Variants in ALK observed in about 807,000 individuals in gnomAD.
ALK encodes the protein ALK tyrosine kinase receptor.
In ALK, 74 loss-of-function variants were observed where a neutral mutation model predicts 163.1. The observed-to-expected ratio is 0.45, with a 90% CI of 0.38 to 0.55. ALK has a LOEUF of 0.55. Among genes scored for constraint, ALK ranks in the 20% least tolerant of loss-of-function variants. ALK has a pLI of 0.00. For synonymous variants in ALK, 960 were observed against 843.2 expected (o/e 1.14, Z -2.40); for missense variants, 2,063 against 2,105.3 (o/e 0.98, Z 0.39).
rs116061024 is a variant in ALK at position 29,424,237 on chromosome 2, G to C, written c.1155-40378C>G. Among the ~76,000 whole-genome samples the C allele has an allele frequency of 3.7e-3, 565 of 152,284 alleles. 4 individuals carry two copies. Among genetic ancestry groups the C allele is most frequent in the African/African-American group, 0.013 (542 of 41,548 alleles). ...CAAAAACAGACTCAGGTACAATCAT[G>C]ATATGAATGGCTTATCTAACCTGAC... On this transcript the variant is annotated intron_variant, in intron 4 of 28. Transcript: ENST00000389048.
At chr2:29,662,230 C>T (rs1677371063) in intron 3 of ALK, among the ~76,000 whole-genome samples, 1 of 152,092 alleles carries the variant, frequency 6.6e-6, no homozygotes, top group Non-Finnish European at 1.5e-5. Context: ...TCTTTTAATA[C>T]ATATGTAACT....
At chr2:29,677,405 G>T (rs1272386995) in intron 3 of ALK, among the ~76,000 whole-genome samples, 1 of 151,598 alleles carries the variant, frequency 6.6e-6, no homozygotes, top group East Asian at 1.9e-4. Context: ...TATGTTGTTT[G>T]TTAGGTATGG....
chr2:29,272,185 G>GGAGGGAGAGAGAGAGAGAGAGA (rs1553402255), intron 11 of ALK, among the ~76,000 whole-genome samples: 2,453 of 144,978 alleles, frequency 0.017, 40 homozygotes, highest in Non-Finnish European at 0.026. Context: ...GTCGGGTGAG[G>GGAGGGAGAGAGAGAGAGAGAGA]GAGAGAGAGA....
At chr2:29,844,816 G>A (rs999325362) in intron 1 of ALK, among the ~76,000 whole-genome samples, 2 of 151,760 alleles carry the variant, frequency 1.3e-5, no homozygotes, top group African/African-American at 4.8e-5. Context: ...TAGCAGCAGA[G>A]ATGAGCTGAG....
chr2:29,250,473 G>A (rs890155775), intron 12 of ALK, among the ~76,000 whole-genome samples: 4 of 152,134 alleles, frequency 2.6e-5, no homozygotes, highest in African/African-American at 9.7e-5. Flanking sequence ...CTCCAGACCT[G>A]CAGAACCAGA....
intron 3 of ALK, among the ~76,000 whole-genome samples, chr2:29,590,122 G>A (rs1315525668): frequency 6.6e-6 from 1 of 152,070 alleles, no homozygotes; most frequent in African/African-American, 2.4e-5. Flanking sequence ...TACATCTCCA[G>A]GGCCATGGGA....
At chr2:29,315,020 G>A (rs906198391) in intron 8 of ALK, among the ~76,000 whole-genome samples, 5 of 152,134 alleles carry the variant, frequency 3.3e-5, no homozygotes, top group African/African-American at 1.2e-4. Context: ...ATTTGAACTG[G>A]AGCTCAGAAA....
At chr2:29,472,027 G>T (rs1186293558) in intron 4 of ALK, among the ~76,000 whole-genome samples, 1 of 152,220 alleles carries the variant, frequency 6.6e-6, no homozygotes, top group Non-Finnish European at 1.5e-5. Flanking sequence ...ACAGGCGTGA[G>T]CCACTGCACC....
chr2:29,626,062 A>T (rs1408553717), intron 3 of ALK, among the ~76,000 whole-genome samples: 1 of 152,256 alleles, frequency 6.6e-6, no homozygotes, highest in Non-Finnish European at 1.5e-5. Flanking sequence ...GAAGCCACAC[A>T]GGGCTCTAAG....
chr2:29,903,610 T>C lies in ALK; in HGVS notation c.667+16383A>G, dbSNP rs547402144. ...TTGCCTCTGTTCACACAATTGGCTATAATGATTGGAACAGAAAACCATAAC... is the reference window on the plus strand; with the variant it reads ...TTGCCTCTGTTCACACAATTGGCTACAATGATTGGAACAGAAAACCATAAC... On this transcript the variant is annotated intron_variant, in intron 1 of 28. Transcript: ENST00000389048. 2.0e-5 allele frequency among the ~76,000 whole-genome samples: 3 copies of C among 152,296 alleles called. No homozygotes were observed. The South Asian group carries it at 6.2e-4, about 32-fold the overall frequency.
At chr2:29,729,054 C>T (rs1296748034) in intron 1 of ALK, among the ~76,000 whole-genome samples, 2 of 152,202 alleles carry the variant, frequency 1.3e-5, no homozygotes, top group African/African-American at 2.4e-5. Context: ...TGCCTTTTCT[C>T]GGATGCTCAG....
chr2:29,521,001 A>G (rs981622428), intron 4 of ALK, among the ~76,000 whole-genome samples: 2 of 152,218 alleles, frequency 1.3e-5, no homozygotes, highest in African/African-American at 4.8e-5. Flanking sequence ...CTAGGACTGC[A>G]AGGAACGTCC....
At chr2:29,439,349 TTGAC>T (rs1010932811) in intron 4 of ALK, among the ~76,000 whole-genome samples, 2 of 152,156 alleles carry the variant, frequency 1.3e-5, no homozygotes, top group Admixed American at 6.5e-5. Flanking sequence ...TAGCTCTTAC[TTGAC>T]TATTAAAACC....
At chr2:29,539,373 T>C (rs1383839265) in intron 3 of ALK, among the ~76,000 whole-genome samples, 1 of 152,170 alleles carries the variant, frequency 6.6e-6, no homozygotes, top group African/African-American at 2.4e-5. Context: ...TCTTGGTATA[T>C]GTTATCAGCA....
At chr2:29,286,183 A>T (rs967275823) in intron 9 of ALK, among the ~76,000 whole-genome samples, 3 of 152,034 alleles carry the variant, frequency 2.0e-5, no homozygotes, top group Non-Finnish European at 4.4e-5. Flanking sequence ...CCTGGTCATG[A>T]TCTGTTGGAA....
intron 4 of ALK, among the ~76,000 whole-genome samples, chr2:29,470,439 G>A (rs1671321787): frequency 6.6e-6 from 1 of 152,134 alleles, no homozygotes; most frequent in Non-Finnish European, 1.5e-5. Flanking sequence ...TCATAATAAA[G>A]CTGCTGAAAA....
At chr2:29,499,072 G>T (rs994267228) in intron 4 of ALK, among the ~76,000 whole-genome samples, 2 of 152,170 alleles carry the variant, frequency 1.3e-5, no homozygotes, top group Non-Finnish European at 2.9e-5. Flanking sequence ...GAGACCTGTG[G>T]TGGCCTGCCT....
At chr2:29,750,284 G>C (rs1680320159) in intron 1 of ALK, among the ~76,000 whole-genome samples, 1 of 152,132 alleles carries the variant, frequency 6.6e-6, no homozygotes, top group Non-Finnish European at 1.5e-5. Flanking sequence ...CCACAAACCA[G>C]GCCACAGTAC....
intron 3 of ALK, among the ~76,000 whole-genome samples, chr2:29,541,805 A>G (rs1213522136): frequency 1.3e-5 from 2 of 152,188 alleles, no homozygotes; most frequent in Non-Finnish European, 2.9e-5. Flanking sequence ...GAGCTAGGAA[A>G]AATTAACGGA....
Sources: gnomAD v4.1 joint callset for allele counts (sites outside exome capture counted in the v4.1 genomes callset) on GRCh38, gnomAD v4.1.1 for gene constraint, MANE v1.5 for transcripts, NCBI Gene and HGNC (gene_info 2026-07-23, HGNC 2026-07-21) for gene names.